The following DCHS2 variants were observed in gnomAD, a reference collection of about 807,000 sequenced individuals.
DCHS2 encodes dachsous cadherin-related 2.
Under a neutral mutation model 182.4 loss-of-function variants are expected in DCHS2, and 142 were observed. The observed-to-expected ratio is 0.78, with a 90% CI of 0.68 to 0.89. The LOEUF (loss-of-function observed/expected upper bound fraction) is 0.89, where lower values mean the gene tolerates loss of function less well. DCHS2 is among the 40% of genes least tolerant of loss of function. The pLI is 0.00. For missense variants in DCHS2, 4,319 were observed against 4,198.6 expected (o/e 1.03, Z -0.79); for synonymous variants, 1,740 against 1,663.3 (o/e 1.05, Z -1.12).
intron 1 of DCHS2, among the ~76,000 whole-genome samples, chr4:154,444,007 T>C (rs186120000): frequency 6.6e-6 from 1 of 152,270 alleles, no homozygotes; most frequent in African/African-American, 2.4e-5. Flanking sequence ...CAGGATCCAG[T>C]GTTCTCCTGA....
In DCHS2 at chr4:154,333,388, G is replaced by C. The variant is rs79215995; in HGVS notation, c.2820C>G (p.His940Gln). ...TGAGCACAACCACGGGCTGCGTCTC[G>C]TGATCCAGGGGCTTCCGGGTGCGAA... ...GTIRTRKPLDHETQPVVVLTV... is the reference protein window; with the variant it reads ...GTIRTRKPLDQETQPVVVLTV... Residue 940 changes from histidine to glutamine, a missense_variant, in exon 5 of 20, where the codon CAC becomes CAG. His to Gln is a conservative substitution (Grantham distance 24, BLOSUM62 0). Transcript: ENST00000357232. The C allele has an allele frequency of 5.7e-3, 9,183 of 1,614,154 alleles. 39 individuals are homozygous for C. The highest frequency in any genetic ancestry group is 6.7e-3 in the Non-Finnish European group (7,917 of 1,180,042).
At position 154,278,653 on chromosome 4, in the gene DCHS2, C is replaced by T. The variant is rs1184279007; in HGVS notation, c.6464-8640G>A. Among the ~76,000 whole-genome samples, 6 of 151,580 alleles carry T rather than the reference C, an allele frequency of 4.0e-5. No individual in the cohort carries two copies. In the East Asian group the frequency reaches 1.2e-3, roughly 29 times the overall value. ...AAAGAGAAAGAAAAAGTGACTCATC[C>T]TGAACAAGGGAGCTCCCATAAGATT... On this transcript the variant is annotated intron_variant, in intron 13 of 19. Transcript: ENST00000357232.
intron 1 of DCHS2, among the ~76,000 whole-genome samples, chr4:154,388,185 A>G (rs578081900): frequency 6.6e-6 from 1 of 152,256 alleles, no homozygotes; most frequent in East Asian, 1.9e-4. Context: ...TATTTATTCT[A>G]AAACCCAAAT....
intron 16 of DCHS2, among the ~76,000 whole-genome samples, chr4:154,243,806 C>T (rs570694149): frequency 1.1e-3 from 171 of 152,282 alleles, no homozygotes; most frequent in African/African-American, 3.8e-3. Context: ...CCAGGAGGAC[C>T]TGATAAATTA....
At position 154,377,417 on chromosome 4, in the gene DCHS2, G is replaced by A; in HGVS notation, c.2080C>T (p.Leu694Phe). The A allele has an allele frequency of 6.2e-7, 1 of 1,613,048 alleles. No homozygotes were observed. The highest frequency in any genetic ancestry group is 8.5e-7 in the Non-Finnish European group (1 of 1,179,414). ...QVTASDADSG[L>F]YGFIEYSLYD... ...AGAGAATATTCAATAAAGCCATAGA[G>A]TCCTGAATCTGCATCAGAGGCTGTC... The change falls in exon 2 of 20, where the codon CTC becomes TTC. Residue 694 changes from leucine to phenylalanine, a missense_variant. Transcript: ENST00000357232.
chr4:154,285,102 GACA>G (rs1011507016), intron 13 of DCHS2, among the ~76,000 whole-genome samples: 7 of 152,036 alleles, frequency 4.6e-5, no homozygotes, highest in African/African-American at 1.4e-4. Context: ...CTAGCTCCCA[GACA>G]ACATTTCTAG....
intron 1 of DCHS2, among the ~76,000 whole-genome samples, chr4:154,482,080 C>T (rs1001974613): frequency 1.2e-4 from 18 of 152,136 alleles, no homozygotes; most frequent in Non-Finnish European, 1.6e-4. Context: ...AAGGAAGACA[C>T]GGTGTCTTAC....
rs754547810 is a variant in DCHS2, at chr4:154,259,593, G to A, written c.6741C>T (p.Tyr2247=). The part of the protein sequence containing the change: ...DNSPCFEQSI[Y]QASVSESQLY... Reference sequence around the variant, plus strand: ...GTTGGCTTTCAGACACTGATGCCTGGTAAATGCTTTGTTCAAAGCATGGTG... The same window carrying A: ...GTTGGCTTTCAGACACTGATGCCTGATAAATGCTTTGTTCAAAGCATGGTG... Residue 2247 remains tyrosine (Y), a synonymous_variant, in exon 15 of 20, where the codon TAC becomes TAT. Transcript: ENST00000357232. The A allele has an allele frequency of 3.1e-6, 5 of 1,613,844 alleles. No individual in the cohort carries two copies. In the Admixed American group the frequency reaches 6.7e-5, roughly 22 times the overall value.
At chr4:154,256,527 G>A (rs1732677207) in intron 15 of DCHS2, among the ~76,000 whole-genome samples, 1 of 127,462 alleles carries the variant, frequency 7.8e-6, no homozygotes. Flanking sequence ...TATTTGATGA[G>A]TTATCAAAGT....
At chr4:154,442,532 C>A (rs1052443722) in intron 1 of DCHS2, among the ~76,000 whole-genome samples, 8 of 35,236 alleles carry the variant, frequency 2.3e-4, no homozygotes, top group Non-Finnish European at 4.7e-4. Flanking sequence ...AGTGGACACC[C>A]CCCCCCCCCC....
intron 9 of DCHS2, among the ~76,000 whole-genome samples, chr4:154,318,255 A>C (rs1201681556): frequency 6.6e-6 from 1 of 151,388 alleles, no homozygotes; most frequent in African/African-American, 2.4e-5. Context: ...ATATATACAT[A>C]TATAAGTTAA....
At position 154,236,218 on chromosome 4, in the gene DCHS2, AG is replaced by A. The variant is rs1448419642; in HGVS notation, c.8433del (p.Cys2812ValfsTer19). ...TAAGACATTCCATGAGTGAGAAAAC[AG>A]GGTGATACAATAGAATAGGTCAATT... ...YGELTYSIVS[P>X]CFLTHGMSYD... On this transcript the variant is annotated frameshift_variant, in exon 20 of 20. Transcript: ENST00000357232. LOFTEE classifies it low-confidence loss of function (END_TRUNC). The A allele has an allele frequency of 6.2e-7, 1 of 1,613,872 alleles. No homozygotes were observed. Among genetic ancestry groups the A allele is most frequent in the Non-Finnish European group, 8.5e-7 (1 of 1,179,966 alleles).
At chr4:154,464,793 G>A (rs971910530) in intron 1 of DCHS2, among the ~76,000 whole-genome samples, 1 of 152,152 alleles carries the variant, frequency 6.6e-6, no homozygotes, top group Non-Finnish European at 1.5e-5. Flanking sequence ...GCCTACAAAG[G>A]GTTGGGGAAA....
chr4:154,332,854 C>G lies in DCHS2; in HGVS notation c.3354G>C (p.Ser1118=). 6.2e-7 allele frequency: 1 copy of G among 1,614,216 alleles called. No individual in the cohort carries two copies. Among genetic ancestry groups the G allele is most frequent in the Non-Finnish European group, 8.5e-7 (1 of 1,180,036 alleles). Residue 1118 remains serine, a synonymous_variant, in exon 5 of 20, where the codon TCG becomes TCC. Coordinates refer to ENST00000357232, the MANE Select transcript of DCHS2 (RefSeq NM_001358235.2). ...AHPLGPQRAA[S]PLRYSLEPSV... ...TGGGTTCCAGCGAGTACCTAAGAGGCGAGGCTGCACGCTGGGGGCCAAGTG... is the reference window on the plus strand; with the variant it reads ...TGGGTTCCAGCGAGTACCTAAGAGGGGAGGCTGCACGCTGGGGGCCAAGTG...
intron 1 of DCHS2, among the ~76,000 whole-genome samples, chr4:154,400,436 C>A (rs1470650471): frequency 6.7e-6 from 1 of 149,688 alleles, no homozygotes; most frequent in Non-Finnish European, 1.5e-5. Context: ...TCTTCAGTAA[C>A]CACCCATCGA....
Position 154,478,825 on chromosome 4 carries a change from T to A in DCHS2, c.2052+10479A>T, listed in dbSNP as rs566567738. 6.6e-5 allele frequency among the ~76,000 whole-genome samples: 10 copies of A among 152,260 alleles called. No homozygotes were observed. The East Asian group carries it at 1.9e-3, about 29-fold the overall frequency. On this transcript the variant is annotated intron_variant, in intron 1 of 19. Coordinates refer to ENST00000357232, the MANE Select transcript of DCHS2 (RefSeq NM_001358235.2). ...GTCAGAATTTGCAGTTTGAGTCCAA[T>A]CAAGTTGATTACCTGCTAAAACAAA...
chr4:154,475,743 C>T (rs1735655568), intron 1 of DCHS2, among the ~76,000 whole-genome samples: 1 of 152,182 alleles, frequency 6.6e-6, no homozygotes, highest in Admixed American at 6.5e-5. Context: ...CTTTCCATGC[C>T]TCCACTTATA....
chr4:154,240,784 T>C lies in DCHS2; in HGVS notation c.7112A>G (p.His2371Arg). 6.2e-7 allele frequency: 1 copy of C among 1,613,866 alleles called. No homozygotes were observed. Among genetic ancestry groups the C allele is most frequent in the South Asian group, 1.1e-5 (1 of 91,082 alleles). ...GAAAGCTGAATTCAAATCCACATCA[T>C]GAACTGACACATGAGTCACAATTAC... ...PGVIVTHVSV[H>R]DVDLNSAFIF... Residue 2371 changes from histidine (H) to arginine (R), a missense_variant, in exon 18 of 20, where the codon CAT (histidine) becomes CGT (arginine). Transcript: ENST00000357232.
chr4:154,320,811 A>T lies in DCHS2; in HGVS notation c.4588T>A (p.Tyr1530Asn). The change falls in exon 9 of 20, where the codon TAT (tyrosine) becomes AAT (asparagine). Residue 1530 changes from tyrosine (Y) to asparagine (N), a missense_variant. Transcript: ENST00000357232. ...EENVPIGTLVYVFNAKDDDGS... is the reference protein window; with the variant it reads ...EENVPIGTLVNVFNAKDDDGS... ...TCATCATCTTTGGCATTGAAGACAT[A>T]CACCAGGGTTCCTATGGGAACATTC... The T allele has an allele frequency of 6.2e-7, 1 of 1,614,128 alleles. No homozygotes were observed. The highest frequency in any genetic ancestry group is 8.5e-7 in the Non-Finnish European group (1 of 1,180,016).
Sources: allele counts gnomAD v4.1 joint callset (sites outside exome capture counted in the v4.1 genomes callset), GRCh38; gene constraint gnomAD v4.1.1; transcripts MANE v1.5; gene names NCBI Gene and HGNC (gene_info 2026-07-23, HGNC 2026-07-21).